Variants in TKTL2 observed in about 807,000 individuals in gnomAD.
TKTL2 encodes transketolase-like protein 2.
For missense variants in TKTL2, 825 were observed against 799.4 expected (o/e 1.03, Z -0.39); for synonymous variants, 259 against 294.1 (o/e 0.88, Z 1.22).
Position 163,473,723 on chromosome 4 carries a change from G to C in TKTL2, c.12C>G (p.Asn4Lys), listed in dbSNP as rs759652519. The C allele has an allele frequency of 3.1e-6, 5 of 1,601,476 alleles. No homozygotes were observed. Among genetic ancestry groups the C allele is most frequent in the Middle Eastern group, 1.7e-4 (1 of 5,996 alleles). ...CGGTCTTCACGTCGGGCTTGGCGTC[G>C]TTGGCCATCATCTCTCTTTTGTCGG... MMA[N>K]DAKPDVKTVQ... The change falls in exon 1 of 1, where the codon AAC (asparagine) becomes AAG (lysine). Residue 4 changes from asparagine to lysine, a missense_variant. Asn to Lys is a moderately conservative substitution (Grantham distance 94). Transcript: ENST00000280605.
rs774641600 is a variant in TKTL2, at chr4:163,472,026, C to T, written c.1709G>A (p.Gly570Asp). 7.4e-6 allele frequency: 12 copies of T among 1,613,660 alleles called. No individual in the cohort carries two copies. In the Admixed American group the frequency reaches 1.5e-4, roughly 20 times the overall value. ...VITVEDHYRE[G>D]GIGEAVCAAV... is the part of the protein sequence containing the mutation. ...TGCACAAACAGCTTCTCCAATGCCA[C>T]CTTCCCTGTAGTGATCCTCCACTGT... The change falls in exon 1 of 1, where the codon GGT becomes GAT. Residue 570 changes from glycine (G) to aspartate (D), a missense_variant. Gly to Asp is a moderately conservative substitution (Grantham distance 94). Coordinates refer to ENST00000280605, the MANE Select transcript of TKTL2 (RefSeq NM_032136.5).
rs1407943771 is a variant in TKTL2 at position 163,472,629 on chromosome 4, G to T, written c.1106C>A (p.Ala369Asp). Reference sequence around the variant, plus strand: ...TGCCACACTTACCATGTTTTGTTCAGCAATAATACACTCTATGAAACGCTC... The same window carrying T: ...TGCCACACTTACCATGTTTTGTTCATCAATAATACACTCTATGAAACGCTC... ...HPERFIECII[A>D]EQNMVSVALG... is the part of the protein sequence containing the mutation. The change falls in exon 1 of 1, where the codon GCT (alanine) becomes GAT (aspartate). Residue 369 changes from alanine to aspartate, a missense_variant. By Grantham distance (126) the Ala-to-Asp change is moderately radical. Coordinates refer to ENST00000280605, the MANE Select transcript of TKTL2 (RefSeq NM_032136.5). 1 of 1,614,094 alleles carries T rather than the reference G, an allele frequency of 6.2e-7. No individual in the cohort carries two copies. Among genetic ancestry groups the T allele is most frequent in the Non-Finnish European group, 8.5e-7 (1 of 1,180,048 alleles).
chr4:163,473,528 G>A lies in TKTL2; in HGVS notation c.207C>T (p.Asn69=), dbSNP rs114941835. 4.3e-6 allele frequency: 7 copies of A among 1,613,996 alleles called. No homozygotes were observed. Among genetic ancestry groups the A allele is most frequent in the East Asian group, 2.2e-5 (1 of 44,828 alleles). The change falls in exon 1 of 1, where the codon AAC becomes AAT. Residue 69 remains asparagine, a synonymous_variant. Transcript: ENST00000280605. ...YKQTDPEHPD[N]DRFILSRGHA... ...GTCCCCTGGAGAGGATGAACCGGTC[G>A]TTGTCCGGGTGTTCTGGGTCTGTCT...
In TKTL2 at chr4:163,472,059, C is replaced by T. The variant is rs144602118; in HGVS notation, c.1676G>A (p.Arg559Gln). ...GTAGTGATCCTCCACTGTGATAACT[C>T]GGCCGCCTGTGGCTTTTGCACTGGA... ...IISSAKATGG[R>Q]VITVEDHYRE... is the part of the protein sequence containing the mutation. Residue 559 changes from arginine (R) to glutamine (Q), a missense_variant, in exon 1 of 1, where the codon CGA (arginine) becomes CAA (glutamine). By Grantham distance (43) the Arg-to-Gln change is conservative. Transcript: ENST00000280605. 1.4e-5 allele frequency: 23 copies of T among 1,614,036 alleles called. No individual in the cohort carries two copies. The highest frequency in any genetic ancestry group is 1.3e-4 in the African/African-American group (10 of 74,928).
rs1737181227 is a variant in TKTL2, at chr4:163,472,318, A to C, written c.1417T>G (p.Phe473Val). The change falls in exon 1 of 1, where the codon TTC (phenylalanine) becomes GTC (valine). Residue 473 changes from phenylalanine to valine, a missense_variant. Phe to Val is a conservative substitution (Grantham distance 50, BLOSUM62 -1). Transcript: ENST00000280605. ...YLAANTKGMCFIRTSQPETAV... is the reference protein window; with the variant it reads ...YLAANTKGMCVIRTSQPETAV... ...GTTTCTGGTTGGCTGGTTCGAATGA[A>C]GCACATTCCCTTGGTATTGGCGGCT... 1.2e-6 allele frequency: 2 copies of C among 1,605,054 alleles called. No homozygotes were observed. The highest frequency in any genetic ancestry group is 1.7e-5 in the Admixed American group (1 of 59,068).
chr4:163,471,844 T>G lies in TKTL2; in HGVS notation c.*10A>C, dbSNP rs745561380. On this transcript the variant is annotated 3_prime_UTR_variant, in exon 1 of 1. Transcript: ENST00000280605. ...GCCAATAGACTTGACTTTTTAGAAA[T>G]AAGCCTAGTTTACTTCATTAAAGTA... is the stretch of plus-strand genomic sequence containing the variant. The G allele has an allele frequency of 4.7e-6, 7 of 1,501,218 alleles. No homozygotes were observed. The highest frequency in any genetic ancestry group is 6.2e-6 in the Non-Finnish European group (7 of 1,125,304). 93.0% of individuals were successfully genotyped at this position (1,501,218 alleles called of 1,614,324 possible). A position where few individuals can be genotyped will look rare whatever the true frequency, so the allele number is the denominator to read the frequency against.
Position 163,471,867 on chromosome 4 carries a change from G to C in TKTL2, c.1868C>G (p.Thr623Ser). 6.6e-7 allele frequency: 1 copy of C among 1,516,834 alleles called. No individual in the cohort carries two copies. The highest frequency in any genetic ancestry group is 2.2e-5 in the Admixed American group (1 of 44,774). The allele number at this position is 1,516,834 out of a possible 1,614,324, so 94.0% of individuals were successfully genotyped here. A position where few individuals can be genotyped will look rare whatever the true frequency, so the allele number is the denominator to read the frequency against. Residue 623 changes from threonine to serine, a missense_variant, in exon 1 of 1, where the codon ACT (threonine) becomes AGT (serine). Transcript: ENST00000280605. The stretch of plus-strand genomic sequence containing the variant: ...AATAAGCCTAGTTTACTTCATTAAA[G>C]TAAGTGTTACGGCTGCTATAATGTG... ...TRHIIAAVTL[T>S]LMK
chr4:163,471,829 T>C lies in TKTL2; in HGVS notation c.*25A>G. ...TGCTTTTGGGCCAAAGCCAATAGAC[T>C]TGACTTTTTAGAAATAAGCCTAGTT... On this transcript the variant is annotated 3_prime_UTR_variant, in exon 1 of 1. Coordinates refer to ENST00000280605, the MANE Select transcript of TKTL2 (RefSeq NM_032136.5). The C allele has an allele frequency of 6.7e-7, 1 of 1,501,622 alleles. No homozygotes were observed. Among genetic ancestry groups the C allele is most frequent in the Non-Finnish European group, 8.9e-7 (1 of 1,125,850 alleles). The allele number at this position is 1,501,622 out of a possible 1,614,324, so 93.0% of individuals were successfully genotyped here.
At position 163,473,091 on chromosome 4, in the gene TKTL2, TAAGTATTCCATCCA is replaced by T. The variant is rs1737200344; in HGVS notation, c.630_643del (p.Phe210LeufsTer7). The T allele has an allele frequency of 6.2e-7, 1 of 1,613,946 alleles. No individual in the cohort carries two copies. On this transcript the variant is annotated frameshift_variant, in exon 1 of 1. Coordinates refer to ENST00000280605, the MANE Select transcript of TKTL2 (RefSeq NM_032136.5). LOFTEE classifies it low-confidence loss of function (END_TRUNC). ...CTCCACATCATGGCCATCCACTAAG[TAAGTATTCCATCCA>T]AAGGCTTCACAGCAATTCTGGTAGA...
rs548168099 is a variant in TKTL2, at chr4:163,472,955, A to G, written c.780T>C (p.Asn260=). The change falls in exon 1 of 1, where the codon AAT becomes AAC. Residue 260 remains asparagine, a synonymous_variant. Coordinates refer to ENST00000280605, the MANE Select transcript of TKTL2 (RefSeq NM_032136.5). ...RGIPNIEDAE[N]WHGKPVPKER... The stretch of plus-strand genomic sequence containing the variant: ...CTTTTGGCACTGGCTTTCCATGCCA[A>G]TTTTCTGCATCCTCAATATTTGGAA... 1.4e-5 allele frequency: 22 copies of G among 1,614,038 alleles called. No homozygotes were observed. Among genetic ancestry groups the G allele is most frequent in the African/African-American group, 1.3e-4 (10 of 75,002 alleles).
Position 163,472,402 on chromosome 4 carries a change from G to A in TKTL2, c.1333C>T (p.Pro445Ser). ...LEDLAMFRSIPNCTVFYPSDA... is the reference protein window; with the variant it reads ...LEDLAMFRSISNCTVFYPSDA... Reference sequence around the variant, plus strand: ...CTTGGATAGAAAACAGTACAATTGGGAATGCTTCGGAACATGGCTAGATCC... The same window carrying A: ...CTTGGATAGAAAACAGTACAATTGGAAATGCTTCGGAACATGGCTAGATCC... Residue 445 changes from proline (P) to serine (S), a missense_variant, in exon 1 of 1, where the codon CCC becomes TCC. Physicochemically the swap from Pro to Ser is moderately conservative, Grantham distance 74. Coordinates refer to ENST00000280605, the MANE Select transcript of TKTL2 (RefSeq NM_032136.5). 1.2e-6 allele frequency: 2 copies of A among 1,610,054 alleles called. No homozygotes were observed. The highest frequency in any genetic ancestry group is 8.5e-7 in the Non-Finnish European group (1 of 1,177,990).
In TKTL2 at chr4:163,473,186, G is replaced by A. The variant is rs531922468; in HGVS notation, c.549C>T (p.Phe183=). ...HYNLDNLVAV[F]DVNRLGQSGP... is the part of the protein sequence containing the mutation. The stretch of plus-strand genomic sequence containing the variant: ...CACTTTGTCCCAAGCGGTTCACGTC[G>A]AAGACCGCCACGAGATTGTCCAAGT... Residue 183 remains phenylalanine, a synonymous_variant, in exon 1 of 1, where the codon TTC becomes TTT. Transcript: ENST00000280605. 433 of 1,613,648 alleles carry A rather than the reference G, an allele frequency of 2.7e-4. 1 individual carries two copies. In the Middle Eastern group the frequency reaches 3.0e-3, roughly 11 times the overall value.
chr4:163,472,989 C>A lies in TKTL2; in HGVS notation c.746G>T (p.Gly249Val). 1 of 1,614,168 alleles carries A rather than the reference C, an allele frequency of 6.2e-7. No individual in the cohort carries two copies. ...ATCCTCAATATTTGGAATACCCCGA[C>A]CTTTGAAGGTCTTGGCAACTATAGC... is the stretch of plus-strand genomic sequence containing the variant. ...PTAIVAKTFKGRGIPNIEDAE... is the reference protein window; with the variant it reads ...PTAIVAKTFKVRGIPNIEDAE... The change falls in exon 1 of 1, where the codon GGT becomes GTT. Residue 249 changes from glycine (G) to valine (V), a missense_variant. Physicochemically the swap from Gly to Val is moderately radical, Grantham distance 109. Coordinates refer to ENST00000280605, the MANE Select transcript of TKTL2 (RefSeq NM_032136.5).
At position 163,473,610 on chromosome 4, in the gene TKTL2, C is replaced by T; in HGVS notation, c.125G>A (p.Cys42Tyr). 1 of 1,614,186 alleles carries T rather than the reference C, an allele frequency of 6.2e-7. No individual in the cohort carries two copies. Among genetic ancestry groups the T allele is most frequent in the Non-Finnish European group, 8.5e-7 (1 of 1,180,040 alleles). Residue 42 changes from cysteine to tyrosine, a missense_variant, in exon 1 of 1, where the codon TGC becomes TAC. Coordinates refer to ENST00000280605, the MANE Select transcript of TKTL2 (RefSeq NM_032136.5). ...AGACACGACCTCCGCTGCACTGCAGCACGACGTGAGCTGGCCAGAACCAGA... is the reference window on the plus strand; with the variant it reads ...AGACACGACCTCCGCTGCACTGCAGTACGACGTGAGCTGGCCAGAACCAGA... ...CASGSGQLTS[C>Y]CSAAEVVSVL... is the part of the protein sequence containing the mutation.
At position 163,471,940 on chromosome 4, in the gene TKTL2, G is replaced by T; in HGVS notation, c.1795C>A (p.Arg599Ser). ...TCCAGCAATTCACTAGTTTTCCCAC[G>T]TTGAGGCACTCCTGACACTGCCAGT... ...HQLAVSGVPQRGKTSELLDMF... is the reference protein window; with the variant it reads ...HQLAVSGVPQSGKTSELLDMF... Residue 599 changes from arginine to serine, a missense_variant, in exon 1 of 1, where the codon CGT (arginine) becomes AGT (serine). Arg to Ser is a moderately radical substitution (Grantham distance 110). Coordinates refer to ENST00000280605, the MANE Select transcript of TKTL2 (RefSeq NM_032136.5). 1 of 1,608,280 alleles carries T rather than the reference G, an allele frequency of 6.2e-7. No homozygotes were observed. Among genetic ancestry groups the T allele is most frequent in the African/African-American group, 1.3e-5 (1 of 74,870 alleles).
chr4:163,471,838 T>A lies in TKTL2; in HGVS notation c.*16A>T. 6.7e-7 allele frequency: 1 copy of A among 1,502,500 alleles called. No individual in the cohort carries two copies. The highest frequency in any genetic ancestry group is 1.4e-5 in the South Asian group (1 of 70,948). The allele number at this position is 1,502,500 out of a possible 1,614,324, so 93.1% of individuals were successfully genotyped here. ...GCCAAAGCCAATAGACTTGACTTTT[T>A]AGAAATAAGCCTAGTTTACTTCATT... On this transcript the variant is annotated 3_prime_UTR_variant, in exon 1 of 1. Coordinates refer to ENST00000280605, the MANE Select transcript of TKTL2 (RefSeq NM_032136.5).
At position 163,473,562 on chromosome 4, in the gene TKTL2, T is replaced by C. The variant is rs779764741; in HGVS notation, c.173A>G (p.Lys58Arg). The C allele has an allele frequency of 1.9e-6, 3 of 1,614,070 alleles. No individual in the cohort carries two copies. The highest frequency in any genetic ancestry group is 2.5e-6 in the Non-Finnish European group (3 of 1,180,008). Residue 58 changes from lysine to arginine, a missense_variant, in exon 1 of 1, where the codon AAG (lysine) becomes AGG (arginine). Physicochemically the swap from Lys to Arg is conservative, Grantham distance 26. Transcript: ENST00000280605. ...VVSVLFFHTM[K>R]YKQTDPEHPD... Reference sequence around the variant, plus strand: ...GTGTTCTGGGTCTGTCTGTTTATACTTCATCGTGTGGAAGAAGAGGACAGA... The same window carrying C: ...GTGTTCTGGGTCTGTCTGTTTATACCTCATCGTGTGGAAGAAGAGGACAGA...
Position 163,472,254 on chromosome 4 carries a change from C to A in TKTL2, c.1481G>T (p.Gly494Val). 1 of 1,612,150 alleles carries A rather than the reference C, an allele frequency of 6.2e-7. No homozygotes were observed. The highest frequency in any genetic ancestry group is 8.5e-7 in the Non-Finnish European group (1 of 1,179,084). Residue 494 changes from glycine (G) to valine (V), a missense_variant, in exon 1 of 1, where the codon GGC (glycine) becomes GTC (valine). Gly to Val is a moderately radical substitution (Grantham distance 109). Transcript: ENST00000280605. ...IYTPQENFEI[G>V]QAKVVRHGVN... The stretch of plus-strand genomic sequence containing the variant: ...ACCGTGGCGGACCACCTTGGCCTGG[C>A]CAATCTCAAAATTTTCTTGTGGGGT...
At position 163,472,179 on chromosome 4, in the gene TKTL2, G is replaced by A; in HGVS notation, c.1556C>T (p.Ala519Val). The change falls in exon 1 of 1, where the codon GCC (alanine) becomes GTC (valine). Residue 519 changes from alanine (A) to valine (V), a missense_variant. Physicochemically the swap from Ala to Val is moderately conservative, Grantham distance 64 (BLOSUM62 0). Coordinates refer to ENST00000280605, the MANE Select transcript of TKTL2 (RefSeq NM_032136.5). ...VIGAGVTLHE[A>V]LEAADHLSQQ... ...AGAAAGATGGTCAGCAGCTTCTAAGGCTTCATGGAGAGTAACTCCAGCTCC... is the reference window on the plus strand; with the variant it reads ...AGAAAGATGGTCAGCAGCTTCTAAGACTTCATGGAGAGTAACTCCAGCTCC... The A allele has an allele frequency of 6.2e-7, 1 of 1,614,184 alleles. No homozygotes were observed. Among genetic ancestry groups the A allele is most frequent in the Non-Finnish European group, 8.5e-7 (1 of 1,180,044 alleles).
Sources: allele counts gnomAD v4.1 joint callset, GRCh38; gene constraint gnomAD v4.1.1; transcripts MANE v1.5; gene names NCBI Gene and HGNC (gene_info 2026-07-23, HGNC 2026-07-21).